The following EFR3A variants were observed in gnomAD, a reference collection of about 807,000 sequenced individuals.
The protein encoded by EFR3A is EFR3 homolog A, also known as protein EFR3 homolog A.
Under a neutral mutation model 104.4 loss-of-function variants are expected in EFR3A, and 76 were observed. That is an observed-to-expected ratio of 0.73 (90% CI 0.60 to 0.88). The LOEUF is 0.88. EFR3A is among the 40% of genes least tolerant of loss of function. The pLI, the probability that EFR3A is intolerant of heterozygous loss-of-function variation, is 0.00. For synonymous variants in EFR3A, 330 were observed against 330.0 expected (o/e 1.00, Z 0.00); for missense variants, 985 against 1,012.5 (o/e 0.97, Z 0.37).
intron 1 of EFR3A, among the ~76,000 whole-genome samples, chr8:131,915,620 C>T (rs1050580144): frequency 6.6e-6 from 1 of 152,180 alleles, no homozygotes; most frequent in Non-Finnish European, 1.5e-5. Context: ...GGAGAGACTG[C>T]ACCTCTGATT....
intron 1 of EFR3A, among the ~76,000 whole-genome samples, chr8:131,910,242 G>T (rs540791103): frequency 1.3e-5 from 2 of 152,292 alleles, no homozygotes; most frequent in African/African-American, 4.8e-5. Context: ...GACATGGAAT[G>T]GGGAACTTGA....
At chr8:131,909,338 G>T (rs1024722965) in intron 1 of EFR3A, among the ~76,000 whole-genome samples, 25 of 152,200 alleles carry the variant, frequency 1.6e-4, no homozygotes, top group African/African-American at 6.0e-4. Flanking sequence ...ATCGCTTTTG[G>T]CTGAGAGTTC....
At chr8:131,953,724 A>G (rs1280850831) in intron 5 of EFR3A, 94 bp from the exon 6 acceptor site, 1 of 1,123,768 alleles carries the variant, frequency 8.9e-7, no homozygotes. Flanking sequence ...AGATAACAGT[A>G]TTTACTTGAT....
At chr8:131,929,835 A>C (rs1372192365) in intron 1 of EFR3A, among the ~76,000 whole-genome samples, 1 of 152,142 alleles carries the variant, frequency 6.6e-6, no homozygotes. Context: ...GAAATATAAG[A>C]GTCAGTTTGA....
chr8:131,955,704 A>G, intron 6 of EFR3A, 64 bp from the exon 7 acceptor site: 1 of 1,524,166 alleles, frequency 6.6e-7, no homozygotes, highest in Non-Finnish European at 8.9e-7. Context: ...AGTAAAGTAT[A>G]TTTTGTTTAT....
chr8:131,942,689 A>T (rs1369684860), intron 2 of EFR3A, among the ~76,000 whole-genome samples: 1 of 152,100 alleles, frequency 6.6e-6, no homozygotes, highest in Non-Finnish European at 1.5e-5. Flanking sequence ...GGAGATAAGT[A>T]CTGTGAGGTA....
In EFR3A at chr8:131,946,647, T is replaced by C. The variant is rs1393192093; in HGVS notation, c.366+14T>C. Reference sequence around the variant, plus strand: ...GGAACAAATTCTGTGAGTAAAACTATTCTGTTACTAAATGTATGCTTAATT... The same window carrying C: ...GGAACAAATTCTGTGAGTAAAACTACTCTGTTACTAAATGTATGCTTAATT... On this transcript the variant is annotated intron_variant, in intron 4 of 22. Coordinates refer to ENST00000254624, the MANE Select transcript of EFR3A (RefSeq NM_015137.6). 5.8e-6 allele frequency: 9 copies of C among 1,560,522 alleles called. No homozygotes were observed. The highest frequency in any genetic ancestry group is 1.2e-5 in the South Asian group (1 of 82,232).
chr8:131,979,864 G>A (rs1017412837), intron 14 of EFR3A, among the ~76,000 whole-genome samples: 1 of 152,050 alleles, frequency 6.6e-6, no homozygotes, highest in African/African-American at 2.4e-5. Context: ...AGATGAGTTG[G>A]GCAGGATCTC....
chr8:131,997,019 A>G (rs1055826896), intron 19 of EFR3A, among the ~76,000 whole-genome samples: 1 of 152,084 alleles, frequency 6.6e-6, no homozygotes, highest in African/African-American at 2.4e-5. Flanking sequence ...TCAGTGAACT[A>G]TGTACTCTGT....
At chr8:131,941,069 G>A (rs536284806) in intron 2 of EFR3A, among the ~76,000 whole-genome samples, 21 of 152,214 alleles carry the variant, frequency 1.4e-4, no homozygotes, top group African/African-American at 5.1e-4. Context: ...TTGGGTTGAG[G>A]AGAAGAAAGC....
intron 19 of EFR3A, chr8:132,001,021 T>C (rs184858333): frequency 6.6e-6 from 1 of 152,360 alleles, no homozygotes; most frequent in Non-Finnish European, 1.5e-5. Flanking sequence ...GTATCGTTTC[T>C]TAATTTTTAT....
chr8:131,959,811 A>G, intron 8 of EFR3A, 148 bp downstream of exon 8: 4 of 525,612 alleles, frequency 7.6e-6, no homozygotes, highest in Non-Finnish European at 1.3e-5. Context: ...TTCATTTGCT[A>G]CTTATTTTCT....
intron 22 of EFR3A, among the ~76,000 whole-genome samples, chr8:132,008,917 G>A (rs1162241358): frequency 6.7e-6 from 1 of 148,780 alleles, no homozygotes; most frequent in Non-Finnish European, 1.5e-5. Flanking sequence ...TTACATGGGT[G>A]TGATTTACAT....
Position 131,961,507 on chromosome 8 carries a change from G to A in EFR3A, c.855+1844G>A, listed in dbSNP as rs368922679. 3.5e-4 allele frequency among the ~76,000 whole-genome samples: 54 copies of A among 152,236 alleles called. No individual in the cohort carries two copies. The East Asian group carries it at 8.1e-3, about 23-fold the overall frequency. ...GAAATGAAGCGAGAAGAGAAGTTTA[G>A]AGAAAAAAGAATAAAAAGAAACACA... On this transcript the variant is annotated intron_variant, in intron 8 of 22. Coordinates refer to ENST00000254624, the MANE Select transcript of EFR3A (RefSeq NM_015137.6).
intron 1 of EFR3A, among the ~76,000 whole-genome samples, chr8:131,939,450 T>G (rs1313485079): frequency 6.6e-6 from 1 of 152,190 alleles, no homozygotes; most frequent in Non-Finnish European, 1.5e-5. Context: ...TACATTTATA[T>G]TTCAAGCTCT....
At chr8:131,959,970 C>T (rs115244246) in intron 8 of EFR3A, among the ~76,000 whole-genome samples, 6 of 152,286 alleles carry the variant, frequency 3.9e-5, no homozygotes, top group African/African-American at 1.4e-4. Flanking sequence ...TTAGGGGTTC[C>T]GAATTATCAC....
chr8:131,959,066 A>G (rs924403073), intron 7 of EFR3A, among the ~76,000 whole-genome samples: 108 of 152,316 alleles, frequency 7.1e-4, no homozygotes, highest in African/African-American at 2.6e-3. Flanking sequence ...ATTAACCATT[A>G]AGGTTGATAA....
intron 12 of EFR3A, among the ~76,000 whole-genome samples, chr8:131,977,401 T>G (rs553775587): frequency 1.3e-5 from 2 of 152,272 alleles, no homozygotes; most frequent in East Asian, 3.9e-4. Flanking sequence ...CCAAAGTCAC[T>G]GGGCTAAAAA....
chr8:131,975,472 A>G (rs1029670822), intron 10 of EFR3A, among the ~76,000 whole-genome samples: 2 of 124,298 alleles, frequency 1.6e-5, no homozygotes, highest in East Asian at 2.4e-4. Context: ...GCTGGAGTGC[A>G]GTGGCACGAT....
Sources: allele counts gnomAD v4.1 joint callset (sites outside exome capture counted in the v4.1 genomes callset), GRCh38; gene constraint gnomAD v4.1.1; transcripts MANE v1.5; gene names NCBI Gene and HGNC (gene_info 2026-07-23, HGNC 2026-07-21).